DCDC1: variants seen among roughly 807,000 people sequenced by gnomAD.
DCDC1 encodes doublecortin domain containing 1.
A neutral mutation model predicts 178.3 loss-of-function variants in DCDC1; 200 were observed. That is an observed-to-expected ratio of 1.12 (90% CI 1.00 to 1.26). The LOEUF is 1.26. DCDC1 is among the 50% of genes most tolerant of loss of function. The pLI is 0.00. For synonymous variants in DCDC1, 690 were observed against 604.8 expected, an observed-to-expected ratio of 1.14 and a Z score of -2.07; for missense variants, 1,983 against 1,749.2, an observed-to-expected ratio of 1.13 and a Z score of -2.38.
intron 21 of DCDC1, among the ~76,000 whole-genome samples, chr11:30,950,843 C>G (rs1330999692): frequency 6.6e-6 from 1 of 151,338 alleles, no homozygotes; most frequent in Non-Finnish European, 1.5e-5. Context: ...TTTTAAATAA[C>G]CAAAATAGTA....
At chr11:31,346,893 A>C (rs1281941174) in intron 1 of DCDC1, among the ~76,000 whole-genome samples, 1 of 152,208 alleles carries the variant, frequency 6.6e-6, no homozygotes, top group Non-Finnish European at 1.5e-5. Flanking sequence ...TTTTAAACAA[A>C]TCATATGGAA....
At chr11:31,280,559 C>T (rs1350544811) in intron 7 of DCDC1, 3 of 290,410 alleles carry the variant, frequency 1.0e-5, no homozygotes. Flanking sequence ...AATATTCTGT[C>T]AGTCATTCAT....
chr11:30,877,989 C>G (rs1942294905), intron 38 of DCDC1, among the ~76,000 whole-genome samples: 1 of 152,040 alleles, frequency 6.6e-6, no homozygotes, highest in Non-Finnish European at 1.5e-5. Context: ...GCTATTTGAT[C>G]CTGTGAAATT....
At chr11:30,892,554 G>A (rs900195526) in intron 36 of DCDC1, among the ~76,000 whole-genome samples, 2 of 152,100 alleles carry the variant, frequency 1.3e-5, no homozygotes, top group African/African-American at 4.8e-5. Flanking sequence ...TCTTTGGTAG[G>A]AGTGGGTTGA....
intron 20 of DCDC1, among the ~76,000 whole-genome samples, chr11:31,022,532 C>T (rs973370733): frequency 8.6e-5 from 13 of 151,802 alleles, no homozygotes; most frequent in African/African-American, 2.9e-4. Flanking sequence ...CCCATGAGAC[C>T]TTCTCTAGTT....
chr11:30,973,043 G>A (rs188941132), intron 20 of DCDC1, among the ~76,000 whole-genome samples: 52 of 152,034 alleles, frequency 3.4e-4, no homozygotes, highest in Non-Finnish European at 6.5e-4. Flanking sequence ...GGGCTGAAGT[G>A]GGTGGATAAC....
intron 9 of DCDC1, among the ~76,000 whole-genome samples, chr11:31,192,583 C>T (rs764639927): frequency 6.6e-6 from 1 of 152,066 alleles, no homozygotes; most frequent in African/African-American, 2.4e-5. Flanking sequence ...TTCTAGTAAG[C>T]CTTCTCTGAT....
intron 15 of DCDC1, among the ~76,000 whole-genome samples, chr11:31,099,908 G>A (rs1013265486): frequency 3.3e-5 from 5 of 152,008 alleles, no homozygotes; most frequent in Middle Eastern, 3.4e-3. Context: ...CAGTAGAGAC[G>A]GGGTTTCACC....
intron 6 of DCDC1, among the ~76,000 whole-genome samples, chr11:31,297,675 C>T (rs1486604136): frequency 2.0e-5 from 3 of 152,074 alleles, no homozygotes; most frequent in African/African-American, 7.2e-5. Flanking sequence ...CAAATGCTTC[C>T]TACATTTCTG....
intron 3 of DCDC1, among the ~76,000 whole-genome samples, chr11:31,321,397 G>A (rs1484955518): frequency 4.8e-5 from 7 of 145,248 alleles, no homozygotes; most frequent in East Asian, 2.1e-4. Context: ...CGCAATATTC[G>A]GGTGGGAGTG....
intron 19 of DCDC1, 32 bp downstream of exon 19, chr11:31,064,987 T>C (rs1956166449): frequency 1.4e-6 from 1 of 711,886 alleles, no homozygotes; most frequent in South Asian, 1.5e-5. Flanking sequence ...TAGAGAGCTA[T>C]TTCTGTCTTG....
At chr11:31,020,212 C>T (rs954187268) in intron 20 of DCDC1, among the ~76,000 whole-genome samples, 98 of 152,312 alleles carry the variant, frequency 6.4e-4, no homozygotes, top group African/African-American at 2.1e-3. Context: ...AAATCTTTAT[C>T]TGTACCATCA....
intron 21 of DCDC1, chr11:30,944,328 C>T (rs1175531550): frequency 2.2e-6 from 1 of 456,670 alleles, no homozygotes; most frequent in Non-Finnish European, 4.4e-6. Context: ...CTTCCTTGCT[C>T]TGTCTGCATT....
rs767167622 is a variant in DCDC1, at chr11:31,091,518, A to G, written c.2119-7T>C. Reference sequence around the variant, plus strand: ...GGCTCAGGATCATTCCAGTCTTCCAATGAATAGAGAGGGGGAGAAAGGTCT... The same window carrying G: ...GGCTCAGGATCATTCCAGTCTTCCAGTGAATAGAGAGGGGGAGAAAGGTCT... On this transcript the variant is annotated splice_polypyrimidine_tract_variant and splice_region_variant and intron_variant, in intron 16 of 38. Coordinates refer to ENST00000684477, the MANE Select transcript of DCDC1 (RefSeq NM_001387274.1). The G allele has an allele frequency of 4.1e-6, 3 of 740,594 alleles. No homozygotes were observed. The highest frequency in any genetic ancestry group is 3.4e-5 in the African/African-American group (2 of 58,640). 45.9% of individuals were successfully genotyped at this position (740,594 alleles called of 1,614,324 possible). A position where few individuals can be genotyped will look rare whatever the true frequency, so the allele number is the denominator to read the frequency against.
chr11:31,216,532 C>A (rs1027401715), intron 9 of DCDC1, among the ~76,000 whole-genome samples: 10 of 152,096 alleles, frequency 6.6e-5, no homozygotes, highest in African/African-American at 2.4e-4. Flanking sequence ...GCCATTTAGC[C>A]CACTGCAGAC....
rs1975164438 is a variant in DCDC1 at position 31,227,614 on chromosome 11, CAAAT to C, written c.1221+13832_1221+13835del. On this transcript the variant is annotated intron_variant, in intron 9 of 38. Transcript: ENST00000684477. ...AAGATAAAATGATAAACAAATGAGACAAATAAAACACAAATGACAAGATAAAATA... is the reference window on the plus strand; with the variant it reads ...AAGATAAAATGATAAACAAATGAGACAAAACACAAATGACAAGATAAAATA... Among the ~76,000 whole-genome samples the C allele has an allele frequency of 2.6e-5, 4 of 151,824 alleles. No individual in the cohort carries two copies. The South Asian group carries it at 8.3e-4, about 32-fold the overall frequency.
At chr11:30,933,817 T>C (rs776054346) in intron 21 of DCDC1, among the ~76,000 whole-genome samples, 6 of 152,170 alleles carry the variant, frequency 3.9e-5, no homozygotes, top group Admixed American at 1.3e-4. Context: ...GCCTTTCCAT[T>C]TTCCAAACCA....
chr11:31,068,198 G>A (rs1052595210), intron 18 of DCDC1, among the ~76,000 whole-genome samples: 2 of 152,040 alleles, frequency 1.3e-5, no homozygotes, highest in Non-Finnish European at 2.9e-5. Context: ...TAATCAATGA[G>A]TGTATTAACT....
chr11:30,923,177 C>T (rs902770136), intron 23 of DCDC1, among the ~76,000 whole-genome samples: 2 of 152,174 alleles, frequency 1.3e-5, no homozygotes, highest in East Asian at 3.9e-4. Context: ...CACAGCTATT[C>T]CCATTCATTT....
Sources: allele counts gnomAD v4.1 joint callset (sites outside exome capture counted in the v4.1 genomes callset), GRCh38; gene constraint gnomAD v4.1.1; transcripts MANE v1.5; gene names NCBI Gene and HGNC (gene_info 2026-07-23, HGNC 2026-07-21).